TBC1D1: variants seen among roughly 807,000 people sequenced by gnomAD.
TBC1D1 encodes the protein TBC1 (tre-2/USP6, BUB2, cdc16) domain family, member 1.
TBC1D1 carries 89 observed loss-of-function variants against 125.6 expected under a neutral mutation model. The ratio of observed to expected loss-of-function variants is 0.71; its 90% CI spans 0.60 to 0.85. The LOEUF (loss-of-function observed/expected upper bound fraction) is 0.85. Ranked by LOEUF, TBC1D1 falls within the 40% of genes least tolerant of loss-of-function variation. The probability of loss-of-function intolerance (pLI) is 0.00; values close to 1 mark genes in which losing one functional copy is unlikely to be tolerated. For synonymous variants in TBC1D1, 565 were observed against 564.1 expected (o/e 1.00, Z -0.02); for missense variants, 1,377 against 1,469.2 (o/e 0.94, Z 1.03).
intron 2 of TBC1D1, among the ~76,000 whole-genome samples, chr4:37,925,610 G>A (rs2152280124): frequency 6.6e-6 from 1 of 150,448 alleles, no homozygotes; most frequent in East Asian, 2.0e-4. Flanking sequence ...CAGCTACTTA[G>A]GAGCGGAGGT....
In TBC1D1 at chr4:37,999,075, CCT is replaced by C. The variant is rs562396233; in HGVS notation, c.418-15433_418-15432del. Among the ~76,000 whole-genome samples the C allele has an allele frequency of 2.3e-3, 353 of 152,110 alleles. 1 individual carries two copies. The highest frequency in any genetic ancestry group is 8.1e-3 in the African/African-American group (335 of 41,500). On this transcript the variant is annotated intron_variant, in intron 2 of 19. Coordinates refer to ENST00000261439, the MANE Select transcript of TBC1D1 (RefSeq NM_015173.4). ...ACCAGCCTGGCCAACACGGTGAACCCCTGTTTCCACTAAAAATACAAAAATTA... is the reference window on the plus strand; with the variant it reads ...ACCAGCCTGGCCAACACGGTGAACCCGTTTCCACTAAAAATACAAAAATTA...
At position 37,902,228 on chromosome 4, in the gene TBC1D1, G is replaced by A; in HGVS notation, c.133G>A (p.Ala45Thr). The A allele has an allele frequency of 6.2e-7, 1 of 1,614,060 alleles. No homozygotes were observed. The highest frequency in any genetic ancestry group is 2.2e-5 in the East Asian group (1 of 44,872). The change falls in exon 2 of 20, where the codon GCT becomes ACT. Residue 45 changes from alanine (A) to threonine (T), a missense_variant. Physicochemically the swap from Ala to Thr is moderately conservative, Grantham distance 58. Coordinates refer to ENST00000261439, the MANE Select transcript of TBC1D1 (RefSeq NM_015173.4). The stretch of plus-strand genomic sequence containing the variant: ...CATGCCCATGCTGCCCTGGGTTGTG[G>A]CTGAGGTGCGAAGACTCAGCAGGCA...
chr4:37,915,207 AT>A (rs147780641), intron 2 of TBC1D1, among the ~76,000 whole-genome samples: 15 of 151,782 alleles, frequency 9.9e-5, no homozygotes, highest in Admixed American at 5.3e-4. Flanking sequence ...CTTCCTTTCT[AT>A]TTTTTTTAAC....
At chr4:37,996,067 C>T (rs1737732725) in intron 2 of TBC1D1, 1 of 514,564 alleles carries the variant, frequency 1.9e-6, no homozygotes, top group Non-Finnish European at 3.9e-6. Flanking sequence ...AATCCTTTTG[C>T]AAGGCCTATG....
chr4:38,018,273 C>A, intron 3 of TBC1D1, 81 bp from the exon 4 acceptor site: 7 of 1,031,714 alleles, frequency 6.8e-6, no homozygotes, highest in Non-Finnish European at 1.0e-5. Flanking sequence ...TTTATAGGAG[C>A]TTGTCCCTTT....
chr4:38,101,112 C>T (rs866293728), intron 14 of TBC1D1, among the ~76,000 whole-genome samples: 2 of 152,164 alleles, frequency 1.3e-5, no homozygotes, highest in African/African-American at 2.4e-5. Flanking sequence ...CATGGAATGG[C>T]GATGGTGCAT....
At chr4:38,049,947 A>G (rs753469522) in intron 11 of TBC1D1, 49 bp downstream of exon 11, 2 of 1,562,946 alleles carry the variant, frequency 1.3e-6, no homozygotes, top group South Asian at 1.2e-5. Flanking sequence ...CATATCTGTG[A>G]CTAGCCAGGT....
chr4:37,955,215 C>T (rs1004851644), intron 2 of TBC1D1, among the ~76,000 whole-genome samples: 5 of 152,118 alleles, frequency 3.3e-5, no homozygotes, highest in Non-Finnish European at 7.4e-5. Flanking sequence ...GAAATCACCC[C>T]TTCATTTTAC....
chr4:38,020,801 A>C, intron 5 of TBC1D1, 106 bp downstream of exon 5: 1 of 866,240 alleles, frequency 1.2e-6, no homozygotes, highest in Non-Finnish European at 1.9e-6. Flanking sequence ...TTGACATATC[A>C]TTATTTGTCT....
chr4:37,891,643 C>A (rs1463748379), intron 1 of TBC1D1, among the ~76,000 whole-genome samples: 1 of 140,854 alleles, frequency 7.1e-6, no homozygotes, highest in Non-Finnish European at 1.6e-5. Flanking sequence ...CTGGTCCGCG[C>A]ATCTCTCCCC....
At position 38,110,411 on chromosome 4, in the gene TBC1D1, AG is replaced by A. The variant is rs571835943; in HGVS notation, c.2558-5297del. 1.0e-4 allele frequency: 102 copies of A among 985,410 alleles called. No homozygotes were observed. The African/African-American group carries it at 1.7e-3, about 17-fold the overall frequency. The allele number at this position is 985,410 out of a possible 1,614,324, so 61.0% of individuals were successfully genotyped here. On this transcript the variant is annotated intron_variant, in intron 15 of 19. Coordinates refer to ENST00000261439, the MANE Select transcript of TBC1D1 (RefSeq NM_015173.4). ...TTCCTGCCTGAAAATTGCTGGGTGAAGGCTCTTCCCCCTCCAAGTGATAAAG... is the reference window on the plus strand; with the variant it reads ...TTCCTGCCTGAAAATTGCTGGGTGAAGCTCTTCCCCCTCCAAGTGATAAAG...
chr4:38,096,445 G>C (rs975822645), intron 14 of TBC1D1, among the ~76,000 whole-genome samples: 2 of 152,198 alleles, frequency 1.3e-5, no homozygotes, highest in African/African-American at 4.8e-5. Context: ...CATAGTGTGG[G>C]GAGCACAGAC....
At chr4:37,960,725 T>G (rs772148350) in intron 2 of TBC1D1, 4 of 1,614,172 alleles carry the variant, frequency 2.5e-6, no homozygotes, top group Non-Finnish European at 3.4e-6. Flanking sequence ...CCGAGAAGAC[T>G]GTTAAAACAA....
rs768426562 is a variant in TBC1D1, at chr4:38,118,244, GA to G, written c.2962+55del. On this transcript the variant is annotated intron_variant, in intron 17 of 19. Transcript: ENST00000261439. ...GAACCAGCCTTCTCTTATTAGAGGG[GA>G]AACATTTCCTGTCTCTCCGTGGTGA... 13 of 1,591,448 alleles carry G rather than the reference GA, an allele frequency of 8.2e-6. No individual in the cohort carries two copies. In the South Asian group the frequency reaches 1.4e-4, roughly 18 times the overall value.
At chr4:38,122,195 C>T (rs1351100874) in intron 17 of TBC1D1, among the ~76,000 whole-genome samples, 2 of 152,220 alleles carry the variant, frequency 1.3e-5, no homozygotes, top group African/African-American at 4.8e-5. Flanking sequence ...GGTGGCCTTT[C>T]TCTGACACTA....
At chr4:38,020,906 GT>G in intron 5 of TBC1D1, 1 of 400,884 alleles carries the variant, frequency 2.5e-6, no homozygotes, top group Non-Finnish European at 4.6e-6. Context: ...TGAAGAACTT[GT>G]TTAGTGTCAC....
In TBC1D1 at chr4:38,125,132, G is replaced by A; in HGVS notation, c.3132+1G>A. On this transcript the variant is annotated splice_donor_variant, in intron 18 of 19. Transcript: ENST00000261439. LOFTEE classifies it high-confidence loss of function. The stretch of plus-strand genomic sequence containing the variant: ...ACAGATGGAAAAGACCATCAATCAG[G>A]TATGAGTCAGTCCAAACCTTGCAAA... The A allele has an allele frequency of 3.7e-6, 6 of 1,613,844 alleles. No homozygotes were observed. The highest frequency in any genetic ancestry group is 5.1e-6 in the Non-Finnish European group (6 of 1,179,924).
chr4:37,996,641 T>C (rs193177147), intron 2 of TBC1D1, among the ~76,000 whole-genome samples: 96 of 152,362 alleles, frequency 6.3e-4, no homozygotes, highest in Non-Finnish European at 1.0e-3. Flanking sequence ...TATTTTAAAA[T>C]TGTAAATAAT....
At chr4:38,003,105 C>T (rs62298552) in intron 2 of TBC1D1, among the ~76,000 whole-genome samples, 15,479 of 152,254 alleles carry the variant, frequency 0.1, 884 homozygotes, top group Middle Eastern at 0.2. Flanking sequence ...ACTGTTCTGC[C>T]ATTGCCTGGT....
Sources: allele counts gnomAD v4.1 joint callset (sites outside exome capture counted in the v4.1 genomes callset), GRCh38; gene constraint gnomAD v4.1.1; transcripts MANE v1.5; gene names NCBI Gene and HGNC (gene_info 2026-07-23, HGNC 2026-07-21).